Variants in ARMC8 observed in about 807,000 individuals in gnomAD.
The protein encoded by ARMC8 is armadillo repeat containing 8, also known as armadillo repeat-containing protein 8.
ARMC8 carries 20 observed loss-of-function variants against 99.3 expected under a neutral mutation model. The observed-to-expected ratio is 0.20, with a 90% CI of 0.14 to 0.29. The LOEUF is 0.29. Ranked by LOEUF, ARMC8 falls within the 10% of genes least tolerant of loss-of-function variation. The pLI is 1.00. For missense variants in ARMC8, 569 were observed against 809.5 expected, an observed-to-expected ratio of 0.70 and a Z score of 3.60; for synonymous variants, 263 against 278.3, an observed-to-expected ratio of 0.95 and a Z score of 0.55.
At position 138,295,925 on chromosome 3, in the gene ARMC8, A is replaced by T. The variant is rs774263867; in HGVS notation, c.*33A>T. 6.8e-6 allele frequency: 11 copies of T among 1,610,848 alleles called. No homozygotes were observed. Among genetic ancestry groups the T allele is most frequent in the Non-Finnish European group, 8.5e-6 (10 of 1,178,224 alleles). Reference sequence around the variant, plus strand: ...GCCCCTGGGCACCTGCGAGCATCCCACCTCCTTGTTTAAGGAAGTACAGGA... The same window carrying T: ...GCCCCTGGGCACCTGCGAGCATCCCTCCTCCTTGTTTAAGGAAGTACAGGA... On this transcript the variant is annotated 3_prime_UTR_variant, in exon 22 of 22. Coordinates refer to ENST00000469044, the MANE Select transcript of ARMC8 (RefSeq NM_001363941.2).
intron 12 of ARMC8, among the ~76,000 whole-genome samples, chr3:138,251,641 C>T (rs1426067226): frequency 6.6e-6 from 1 of 152,172 alleles, no homozygotes; most frequent in East Asian, 1.9e-4. Context: ...ATGACAGGAC[C>T]AGGTTTTGCC....
At chr3:138,251,728 A>G (rs2047130718) in intron 12 of ARMC8, among the ~76,000 whole-genome samples, 1 of 152,242 alleles carries the variant, frequency 6.6e-6, no homozygotes, top group African/African-American at 2.4e-5. Context: ...TGCTGTATAT[A>G]TAATAGAGGT....
At chr3:138,230,910 A>AT (rs2045995520) in intron 6 of ARMC8, among the ~76,000 whole-genome samples, 2 of 152,198 alleles carry the variant, frequency 1.3e-5, no homozygotes, top group Admixed American at 6.5e-5. Flanking sequence ...TTTTAGCTGA[A>AT]ATTATAGAGT....
intron 6 of ARMC8, among the ~76,000 whole-genome samples, chr3:138,229,474 G>A (rs1402218309): frequency 2.0e-5 from 3 of 151,020 alleles, no homozygotes; most frequent in Admixed American, 2.0e-4. Context: ...TGTATATGAG[G>A]CATTTTATAA....
rs2051652177 is a variant in ARMC8, at chr3:138,298,211, TGC to T, written c.*2320_*2321del. 1 of 152,252 alleles carries T rather than the reference TGC, an allele frequency of 6.6e-6. No individual in the cohort carries two copies. The highest frequency in any genetic ancestry group is 1.5e-5 in the Non-Finnish European group (1 of 68,048). The allele number at this position is 152,252 out of a possible 1,614,324, so 9.4% of individuals were successfully genotyped here. A position where few individuals can be genotyped will look rare whatever the true frequency, so the allele number is the denominator to read the frequency against. ...ATACTGCATTCTGTTTCTCCTTTTG[TGC>T]CCTGATTGTAATCCAAAATTTATGA... On this transcript the variant is annotated 3_prime_UTR_variant, in exon 22 of 22. Coordinates refer to ENST00000469044, the MANE Select transcript of ARMC8 (RefSeq NM_001363941.2).
intron 10 of ARMC8, among the ~76,000 whole-genome samples, chr3:138,241,439 A>T (rs540440272): frequency 5.3e-5 from 8 of 152,322 alleles, no homozygotes; most frequent in African/African-American, 1.9e-4. Flanking sequence ...AAATAGATAG[A>T]TAGGGCAGAA....
intron 14 of ARMC8, among the ~76,000 whole-genome samples, chr3:138,264,499 A>G (rs144726770): frequency 0.012 from 1,795 of 143,930 alleles, 38 homozygotes; most frequent in African/African-American, 0.043. Flanking sequence ...GGCTCACTGC[A>G]ACCTCCACCT....
At chr3:138,205,630 A>C (rs2044329806) in intron 1 of ARMC8, among the ~76,000 whole-genome samples, 1 of 152,050 alleles carries the variant, frequency 6.6e-6, no homozygotes, top group Non-Finnish European at 1.5e-5. Context: ...TTGCAACCAG[A>C]GTGATGCTTT....
chr3:138,214,775 TC>T (rs902999018), intron 2 of ARMC8, among the ~76,000 whole-genome samples: 34 of 152,096 alleles, frequency 2.2e-4, no homozygotes, highest in African/African-American at 8.0e-4. Flanking sequence ...TGCCTCAGCT[TC>T]CTGAGTAGCT....
At chr3:138,197,253 T>C (rs1341715793) in intron 1 of ARMC8, among the ~76,000 whole-genome samples, 5 of 152,198 alleles carry the variant, frequency 3.3e-5, no homozygotes, top group Admixed American at 3.3e-4. Flanking sequence ...GGAAAGTGAA[T>C]GCACCAGCTG....
In ARMC8 at chr3:138,289,105, T is replaced by G; in HGVS notation, c.1879T>G (p.Trp627Gly). ...AAMFCISNLI[W>G]NEEEGSQERQ... ...CATGTTTTGTATATCAAACCTCATATGGAATGAAGAGGAAGGTAAGAGATT... is the reference window on the plus strand; with the variant it reads ...CATGTTTTGTATATCAAACCTCATAGGGAATGAAGAGGAAGGTAAGAGATT... Residue 627 changes from tryptophan (W) to glycine (G), a missense_variant, in exon 20 of 22, where the codon TGG (tryptophan) becomes GGG (glycine). Transcript: ENST00000469044. 6.2e-7 allele frequency: 1 copy of G among 1,613,086 alleles called. No individual in the cohort carries two copies. The highest frequency in any genetic ancestry group is 8.5e-7 in the Non-Finnish European group (1 of 1,179,342).
chr3:138,234,950 G>T lies in ARMC8; in HGVS notation c.529-84G>T, dbSNP rs533906583. ...AGGATTCTGTACTGTAGTGAATGTG[G>T]TTTTCTACATTTAAGTAAATGTGGT... On this transcript the variant is annotated intron_variant, in intron 6 of 21. Transcript: ENST00000469044. 1,615 of 1,153,518 alleles carry T rather than the reference G, an allele frequency of 1.4e-3. 2 individuals are homozygous for T. The highest frequency in any genetic ancestry group is 2.3e-3 in the Admixed American group (121 of 52,874). The allele number at this position is 1,153,518 out of a possible 1,614,324, so 71.5% of individuals were successfully genotyped here. A position where few individuals can be genotyped will look rare whatever the true frequency, so the allele number is the denominator to read the frequency against.
intron 1 of ARMC8, 27 bp from the exon 2 acceptor site, chr3:138,209,790 G>T: frequency 6.2e-7 from 1 of 1,602,428 alleles, no homozygotes; most frequent in African/African-American, 1.3e-5. Flanking sequence ...GGCTTCAGAT[G>T]TCATAATTTT....
chr3:138,240,595 A>C (rs542228828), intron 10 of ARMC8, among the ~76,000 whole-genome samples: 14 of 152,362 alleles, frequency 9.2e-5, no homozygotes, highest in Admixed American at 6.5e-4. Context: ...GGAAAAAAGA[A>C]TAGGGCCTTC....
intron 2 of ARMC8, among the ~76,000 whole-genome samples, chr3:138,213,784 C>T (rs192504569): frequency 2.0e-5 from 3 of 152,258 alleles, no homozygotes; most frequent in East Asian, 3.9e-4. Flanking sequence ...GTGAAAGCTA[C>T]TTAAACAGTT....
intron 18 of ARMC8, among the ~76,000 whole-genome samples, chr3:138,279,366 A>G (rs948168210): frequency 6.6e-6 from 1 of 152,166 alleles, no homozygotes; most frequent in African/African-American, 2.4e-5. Context: ...TTCAGTTTCA[A>G]ATGTTAAACT....
intron 12 of ARMC8, chr3:138,246,857 CAAAT>C (rs951893535): frequency 6.5e-5 from 61 of 933,610 alleles, no homozygotes; most frequent in East Asian, 2.3e-4. Flanking sequence ...AGAAAGATGA[CAAAT>C]AAAGAAAAAG....
At chr3:138,263,336 C>T (rs1177469483) in intron 12 of ARMC8, among the ~76,000 whole-genome samples, 5 of 152,220 alleles carry the variant, frequency 3.3e-5, no homozygotes, top group African/African-American at 1.2e-4. Context: ...GCCCAGATTT[C>T]ATTTTGTGAG....
At chr3:138,249,134 CACAG>C (rs1303331280) in intron 12 of ARMC8, among the ~76,000 whole-genome samples, 1 of 152,110 alleles carries the variant, frequency 6.6e-6, no homozygotes, top group South Asian at 2.1e-4. Context: ...AAAATGAACA[CACAG>C]ACAAATGGAT....
Sources: allele counts gnomAD v4.1 joint callset (sites outside exome capture counted in the v4.1 genomes callset), GRCh38; gene constraint gnomAD v4.1.1; transcripts MANE v1.5; gene names NCBI Gene and HGNC (gene_info 2026-07-23, HGNC 2026-07-21).